The following SLC4A4 variants were observed in gnomAD, a reference collection of about 807,000 sequenced individuals.
SLC4A4 encodes the protein solute carrier family 4 member 4.
A neutral mutation model predicts 111.5 loss-of-function variants in SLC4A4; 27 were observed. The observed-to-expected ratio is 0.24, with a 90% CI of 0.18 to 0.33. The LOEUF is 0.33. SLC4A4 is among the 10% of genes least tolerant of loss of function. The pLI is 1.00. For missense variants in SLC4A4, 909 were observed against 1,315.5 expected, an observed-to-expected ratio of 0.69 and a Z score of 4.78; for synonymous variants, 443 against 463.4, an observed-to-expected ratio of 0.96 and a Z score of 0.57.
intron 7 of SLC4A4, among the ~76,000 whole-genome samples, chr4:71,419,096 G>A (rs967430393): frequency 3.9e-5 from 6 of 152,178 alleles, no homozygotes; most frequent in Non-Finnish European, 2.9e-5. Flanking sequence ...GTGTCAGTCT[G>A]CCCCTACTGG....
At chr4:71,348,891 T>C (rs1321757469) in intron 4 of SLC4A4, among the ~76,000 whole-genome samples, 1 of 152,210 alleles carries the variant, frequency 6.6e-6, no homozygotes, top group Non-Finnish European at 1.5e-5. Flanking sequence ...CATTTTTCAA[T>C]CATTAAGCCT....
At chr4:71,432,685 CT>C (rs1723750112) in intron 7 of SLC4A4, among the ~76,000 whole-genome samples, 1 of 151,428 alleles carries the variant, frequency 6.6e-6, no homozygotes, top group Non-Finnish European at 1.5e-5. Context: ...CCCTAAGTTC[CT>C]TGCTTTTTTG....
intron 2 of SLC4A4, among the ~76,000 whole-genome samples, chr4:71,123,018 G>A (rs866164235): frequency 6.6e-6 from 1 of 152,088 alleles, no homozygotes; most frequent in African/African-American, 2.4e-5. Flanking sequence ...AAGATAAAAT[G>A]AAAAGATAAA....
At chr4:71,201,479 C>T (rs12505704) in intron 1 of SLC4A4, among the ~76,000 whole-genome samples, 18,095 of 152,178 alleles carry the variant, frequency 0.12, 1,762 homozygotes, top group African/African-American at 0.25. Context: ...GAGATCTGGG[C>T]TGCACAGCAC....
chr4:71,184,868 T>C (rs148187987), upstream of SLC4A4, among the ~76,000 whole-genome samples: 59 of 152,242 alleles, frequency 3.9e-4, no homozygotes, highest in African/African-American at 1.4e-3. Flanking sequence ...GGAAAGGAAA[T>C]AGAACACTCT....
intron 2 of SLC4A4, among the ~76,000 whole-genome samples, chr4:71,100,986 G>T (rs559519277): frequency 3.3e-5 from 5 of 152,204 alleles, no homozygotes; most frequent in Non-Finnish European, 7.3e-5. Context: ...TCGGCTGGGC[G>T]TGGTGGCTCA....
At chr4:71,344,176 C>G (rs754296510) in intron 4 of SLC4A4, among the ~76,000 whole-genome samples, 2 of 152,102 alleles carry the variant, frequency 1.3e-5, no homozygotes, top group Non-Finnish European at 2.9e-5. Flanking sequence ...TTCCTAGTGC[C>G]TGAAACTACC....
At chr4:71,258,976 T>A (rs1721653075) in intron 3 of SLC4A4, among the ~76,000 whole-genome samples, 1 of 152,046 alleles carries the variant, frequency 6.6e-6, no homozygotes, top group Non-Finnish European at 1.5e-5. Context: ...CATATTAAGG[T>A]GACATGAGCT....
At chr4:71,333,917 T>C (rs939325612) in intron 3 of SLC4A4, among the ~76,000 whole-genome samples, 1 of 151,974 alleles carries the variant, frequency 6.6e-6, no homozygotes, top group Admixed American at 6.6e-5. Context: ...GGAAGTGGGC[T>C]CTTCTCTGGC....
chr4:71,479,105 T>C (rs1256627722), intron 14 of SLC4A4, among the ~76,000 whole-genome samples: 2 of 151,770 alleles, frequency 1.3e-5, no homozygotes, highest in Admixed American at 1.3e-4. Flanking sequence ...ATAGACACTA[T>C]ATTGTTAACA....
intron 1 of SLC4A4, among the ~76,000 whole-genome samples, chr4:71,218,033 A>T (rs994763875): frequency 6.6e-6 from 1 of 152,320 alleles, no homozygotes; most frequent in East Asian, 1.9e-4. Flanking sequence ...TTTTCTTCTG[A>T]TATTTACAAG....
chr4:71,134,738 T>A lies in SLC4A4; in HGVS notation c.-2+41946T>A, dbSNP rs886552904. Among the ~76,000 whole-genome samples, 9 of 152,332 alleles carry A rather than the reference T, an allele frequency of 5.9e-5. No homozygotes were observed. In the South Asian group the frequency reaches 1.9e-3, roughly 32 times the overall value. The stretch of plus-strand genomic sequence containing the variant: ...TTTGGCAATTGCTCATTTCTAATTA[T>A]CTGGTCTTTTGCAAAGTCCACAAGG... On this transcript the variant is annotated intron_variant, in intron 2 of 26. Transcript: ENST00000649996.
At chr4:71,149,581 C>T (rs1744261895) in intron 2 of SLC4A4, among the ~76,000 whole-genome samples, 1 of 152,158 alleles carries the variant, frequency 6.6e-6, no homozygotes, top group Admixed American at 6.6e-5. Context: ...GGTAAGGAGG[C>T]ACTTTCTACT....
intron 3 of SLC4A4, among the ~76,000 whole-genome samples, chr4:71,262,650 C>A (rs1001016975): frequency 6.6e-6 from 1 of 152,080 alleles, no homozygotes; most frequent in Non-Finnish European, 1.5e-5. Context: ...GGAATTTCAG[C>A]GTTAAGTTCA....
intron 6 of SLC4A4, among the ~76,000 whole-genome samples, chr4:71,376,643 T>C (rs576709945): frequency 1.3e-5 from 2 of 150,176 alleles, no homozygotes; most frequent in Non-Finnish European, 3.0e-5. Context: ...TATTTTATTA[T>C]TTATTTTTGA....
At chr4:71,224,220 C>T (rs1036230968) in intron 1 of SLC4A4, among the ~76,000 whole-genome samples, 1 of 152,196 alleles carries the variant, frequency 6.6e-6, no homozygotes, top group African/African-American at 2.4e-5. Flanking sequence ...GAGCCTGAAT[C>T]CTCACAGCCC....
intron 7 of SLC4A4, among the ~76,000 whole-genome samples, chr4:71,436,693 T>C (rs1482793230): frequency 7.2e-5 from 11 of 152,232 alleles, no homozygotes; most frequent in Non-Finnish European, 1.6e-4. Flanking sequence ...ATAATTCCTC[T>C]GATGGATTTC....
chr4:71,222,237 T>C (rs2149023599), intron 1 of SLC4A4, among the ~76,000 whole-genome samples: 1 of 152,282 alleles, frequency 6.6e-6, no homozygotes, highest in East Asian at 1.9e-4. Context: ...ACTGGCCTCC[T>C]TGATGTTCCA....
At chr4:71,344,565 G>T (rs1729165865) in intron 4 of SLC4A4, among the ~76,000 whole-genome samples, 1 of 152,104 alleles carries the variant, frequency 6.6e-6, no homozygotes, top group Non-Finnish European at 1.5e-5. Context: ...TTGATTTTCT[G>T]TGAAAGTCGC....
Sources: allele counts gnomAD v4.1 joint callset (sites outside exome capture counted in the v4.1 genomes callset), GRCh38; gene constraint gnomAD v4.1.1; transcripts MANE v1.5; gene names NCBI Gene and HGNC (gene_info 2026-07-23, HGNC 2026-07-21).